MSX1: variants seen among roughly 807,000 people sequenced by gnomAD.
MSX1 encodes the protein homeobox protein MSX-1.
In MSX1, 11 loss-of-function variants were observed where a neutral mutation model predicts 17.0. The ratio of observed to expected loss-of-function variants is 0.65; its 90% CI spans 0.41 to 1.07. The LOEUF is 1.07. Among genes scored for constraint, MSX1 ranks in the 50% least tolerant of loss-of-function variants. MSX1 has a pLI of 0.00. For synonymous variants in MSX1, 253 were observed against 211.8 expected (o/e 1.19, Z -1.69); for missense variants, 477 against 440.1 (o/e 1.08, Z -0.75).
intron 1 of MSX1, among the ~76,000 whole-genome samples, chr4:4,861,012 T>C (rs1333812692): frequency 6.6e-6 from 1 of 152,218 alleles, no homozygotes; most frequent in Non-Finnish European, 1.5e-5. Flanking sequence ...GACTGAGCCA[T>C]TAAAGTGGAC....
At position 4,860,167 on chromosome 4, in the gene MSX1, G is replaced by A. The variant is rs1030007862; in HGVS notation, c.268G>A (p.Gly90Ser). The A allele has an allele frequency of 9.3e-6, 14 of 1,507,296 alleles. No homozygotes were observed. The African/African-American group carries it at 1.9e-4, about 20-fold the overall frequency. 93.4% of individuals were successfully genotyped at this position (1,507,296 alleles called of 1,614,324 possible). The change falls in exon 1 of 2, where the codon GGT becomes AGT. Residue 90 changes from glycine (G) to serine (S), a missense_variant. Coordinates refer to ENST00000382723, the MANE Select transcript of MSX1 (RefSeq NM_002448.3). The stretch of plus-strand genomic sequence containing the variant: ...GCCCTCCGAGGGCGTGCAGGCGGCG[G>A]GTGGCTCGGCGCAGCCACTGGGCGT... Reference protein sequence around the residue: ...LAPSEGVQAAGGSAQPLGVPP... With the variant: ...LAPSEGVQAASGSAQPLGVPP...
intron 1 of MSX1, 55 bp downstream of exon 1, chr4:4,860,423 G>A: frequency 1.4e-6 from 2 of 1,405,424 alleles, no homozygotes; most frequent in Admixed American, 2.0e-5. Flanking sequence ...GGCCGGGTGG[G>A]GTGTGGGACC....
At position 4,863,252 on chromosome 4, in the gene MSX1, C is replaced by G; in HGVS notation, c.*109C>G. 8.8e-7 allele frequency: 1 copy of G among 1,136,122 alleles called. No individual in the cohort carries two copies. The highest frequency in any genetic ancestry group is 1.3e-6 in the Non-Finnish European group (1 of 793,290). 70.4% of individuals were successfully genotyped at this position (1,136,122 alleles called of 1,614,324 possible). On this transcript the variant is annotated 3_prime_UTR_variant, in exon 2 of 2. Coordinates refer to ENST00000382723, the MANE Select transcript of MSX1 (RefSeq NM_002448.3). ...CGCCAGCCGCCTTCCCTTTAACCCT[C>G]ACACTGCTCCAGTTTCACCTCTTTG... is the stretch of plus-strand genomic sequence containing the variant.
chr4:4,862,922 C>A lies in MSX1; in HGVS notation c.691C>A (p.Gln231Lys). 1 of 1,613,516 alleles carries A rather than the reference C, an allele frequency of 6.2e-7. No individual in the cohort carries two copies. Among genetic ancestry groups the A allele is most frequent in the Non-Finnish European group, 8.5e-7 (1 of 1,180,004 alleles). ...QNRRAKAKRL[Q>K]EAELEKLKMA... ...CCGCCGCGCCAAGGCAAAGAGACTA[C>A]AAGAGGCAGAGCTGGAGAAGCTGAA... is the stretch of plus-strand genomic sequence containing the variant. The change falls in exon 2 of 2, where the codon CAA (glutamine) becomes AAA (lysine). Residue 231 changes from glutamine (Q) to lysine (K), a missense_variant. Gln to Lys is a moderately conservative substitution (Grantham distance 53). Transcript: ENST00000382723.
intron 1 of MSX1, 31 bp from the exon 2 acceptor site, chr4:4,862,670 C>A: frequency 1.2e-6 from 2 of 1,600,068 alleles, no homozygotes; most frequent in Non-Finnish European, 1.7e-6. Flanking sequence ...TCTCTCTTAA[C>A]CCCTTGCTTT....
rs1235225331 is a variant in MSX1, at chr4:4,862,810, G to C, written c.579G>C (p.Gln193His). The C allele has an allele frequency of 6.2e-7, 1 of 1,613,730 alleles. No homozygotes were observed. The highest frequency in any genetic ancestry group is 1.1e-5 in the South Asian group (1 of 91,086). ...TGGCGCTGGAGCGCAAGTTCCGCCA[G>C]AAGCAGTACCTGTCCATCGCCGAGC... ...QLLALERKFR[Q>H]KQYLSIAERA... is the part of the protein sequence containing the mutation. The change falls in exon 2 of 2, where the codon CAG (glutamine) becomes CAC (histidine). Residue 193 changes from glutamine to histidine, a missense_variant. Physicochemically the swap from Gln to His is conservative, Grantham distance 24. Around this residue, in one of 3 missense-constraint regions of MSX1, gnomAD observed 355 missense variants for 306.1 expected, o/e 1.16. Coordinates refer to ENST00000382723, the MANE Select transcript of MSX1 (RefSeq NM_002448.3).
chr4:4,862,789 G>A lies in MSX1; in HGVS notation c.558G>A (p.Ala186=). 3 of 1,613,536 alleles carry A rather than the reference G, an allele frequency of 1.9e-6. No homozygotes were observed. The highest frequency in any genetic ancestry group is 2.5e-6 in the Non-Finnish European group (3 of 1,179,990). Residue 186 remains alanine (A), a synonymous_variant, in exon 2 of 2, where the codon GCG becomes GCA. Coordinates refer to ENST00000382723, the MANE Select transcript of MSX1 (RefSeq NM_002448.3). ...RTPFTTAQLL[A]LERKFRQKQY... ...CCTTCACCACCGCGCAGCTGCTGGC[G>A]CTGGAGCGCAAGTTCCGCCAGAAGC...
intron 1 of MSX1, among the ~76,000 whole-genome samples, chr4:4,861,689 A>G (rs1260071400): frequency 6.6e-6 from 1 of 152,154 alleles, no homozygotes; most frequent in Non-Finnish European, 1.5e-5. Flanking sequence ...TGTTGGGATA[A>G]TTTGTTCCAC....
Position 4,859,774 on chromosome 4 carries a change from C to T in MSX1, c.-126C>T. 1.4e-6 allele frequency: 1 copy of T among 691,068 alleles called. No individual in the cohort carries two copies. Among genetic ancestry groups the T allele is most frequent in the Non-Finnish European group, 1.9e-6 (1 of 520,512 alleles). 42.8% of individuals were successfully genotyped at this position (691,068 alleles called of 1,614,324 possible). A position where few individuals can be genotyped will look rare whatever the true frequency, so the allele number is the denominator to read the frequency against. ...GCCTGCTGGGGAGGGGCGGGAGGCG[C>T]GCGCGGGAGGGTCCGCCCGGCCAGG... On this transcript the variant is annotated 5_prime_UTR_variant, in exon 1 of 2. Transcript: ENST00000382723.
rs8670 is a variant in MSX1 at position 4,863,149 on chromosome 4, C to T, written c.*6C>T. 0.22 allele frequency: 354,445 copies of T among 1,590,300 alleles called. 41,187 individuals carry two copies. The highest frequency in any genetic ancestry group is 0.28 in the Middle Eastern group (1,412 of 5,120). On this transcript the variant is annotated 3_prime_UTR_variant, in exon 2 of 2. Transcript: ENST00000382723. Reference sequence around the variant, plus strand: ...GCATGTACCACCTGACATAGAGGGTCCCAGGTCGCCCACCTGTGGGCCAGC... The same window carrying T: ...GCATGTACCACCTGACATAGAGGGTTCCAGGTCGCCCACCTGTGGGCCAGC...
In MSX1 at chr4:4,863,220, T is replaced by TGG; in HGVS notation, c.*77_*78insGG. 1 of 1,443,298 alleles carries TGG rather than the reference T, an allele frequency of 6.9e-7. No individual in the cohort carries two copies. Among genetic ancestry groups the TGG allele is most frequent in the Non-Finnish European group, 9.4e-7 (1 of 1,064,652 alleles). 89.4% of individuals were successfully genotyped at this position (1,443,298 alleles called of 1,614,324 possible). A position where few individuals can be genotyped will look rare whatever the true frequency, so the allele number is the denominator to read the frequency against. On this transcript the variant is annotated 3_prime_UTR_variant, in exon 2 of 2. Coordinates refer to ENST00000382723, the MANE Select transcript of MSX1 (RefSeq NM_002448.3). ...CTGTACCCCCGACGTGCTCCCCTGC[T>TGG]CGGCACCGCCAGCCGCCTTCCCTTT... is the stretch of plus-strand genomic sequence containing the variant.
At chr4:4,862,628 A>C in intron 1 of MSX1, 73 bp from the exon 2 acceptor site, 1 of 1,546,218 alleles carries the variant, frequency 6.5e-7, no homozygotes, top group Non-Finnish European at 8.8e-7. Flanking sequence ...GGCTATTATT[A>C]CTACTTCTTG....
intron 1 of MSX1, among the ~76,000 whole-genome samples, chr4:4,860,739 C>A (rs1259322748): frequency 1.3e-5 from 2 of 152,236 alleles, no homozygotes; most frequent in Non-Finnish European, 2.9e-5. Context: ...CTTCCCTGCA[C>A]CCGGAGTTTC....
Position 4,863,018 on chromosome 4 carries a change from G to C in MSX1, c.787G>C (p.Val263Leu), listed in dbSNP as rs747563297. Residue 263 changes from valine (V) to leucine (L), a missense_variant, in exon 2 of 2, where the codon GTA becomes CTA. Val to Leu is a conservative substitution (Grantham distance 32). Coordinates refer to ENST00000382723, the MANE Select transcript of MSX1 (RefSeq NM_002448.3). ...CTTCCCTCTCGGCGGCCCCGCAGCT[G>C]TAGCGGCCGCGGCGGGTGCCTCGCT... ...LSFPLGGPAA[V>L]AAAAGASLYG... 2.5e-6 allele frequency: 4 copies of C among 1,611,254 alleles called. No individual in the cohort carries two copies. Among genetic ancestry groups the C allele is most frequent in the South Asian group, 1.1e-5 (1 of 91,000 alleles).
At chr4:4,860,434 C>T (rs1328823304) in intron 1 of MSX1, 66 bp downstream of exon 1, 3 of 1,535,616 alleles carry the variant, frequency 2.0e-6, no homozygotes, top group African/African-American at 2.7e-5. Context: ...GTGTGGGACC[C>T]GAGGGCTCCT....
rs1737862450 is a variant in MSX1 at position 4,859,795 on chromosome 4, C to A, written c.-105C>A. On this transcript the variant is annotated 5_prime_UTR_variant, in exon 1 of 2. Coordinates refer to ENST00000382723, the MANE Select transcript of MSX1 (RefSeq NM_002448.3). Reference sequence around the variant, plus strand: ...GGCGCGCGCGGGAGGGTCCGCCCGGCCAGGGCCCCGGGCGCTCGCAGAGGC... The same window carrying A: ...GGCGCGCGCGGGAGGGTCCGCCCGGACAGGGCCCCGGGCGCTCGCAGAGGC... 2 of 1,003,462 alleles carry A rather than the reference C, an allele frequency of 2.0e-6. No homozygotes were observed. Among genetic ancestry groups the A allele is most frequent in the Non-Finnish European group, 2.5e-6 (2 of 785,298 alleles). The allele number at this position is 1,003,462 out of a possible 1,614,324, so 62.2% of individuals were successfully genotyped here. A position where few individuals can be genotyped will look rare whatever the true frequency, so the allele number is the denominator to read the frequency against.
rs538500810 is a variant in MSX1, at chr4:4,863,334, C to T, written c.*191C>T. 834 of 398,022 alleles carry T rather than the reference C, an allele frequency of 2.1e-3. 2 individuals carry two copies. The highest frequency in any genetic ancestry group is 6.7e-3 in the South Asian group (122 of 18,250). 24.7% of individuals were successfully genotyped at this position (398,022 alleles called of 1,614,324 possible). A position where few individuals can be genotyped will look rare whatever the true frequency, so the allele number is the denominator to read the frequency against. ...CTGCCAAAAAGTGGCTGGAAGAGTC[C>T]CTTAGTACTCTTCTAGCATTTAGAT... On this transcript the variant is annotated 3_prime_UTR_variant, in exon 2 of 2. Transcript: ENST00000382723.
chr4:4,863,227 C>G lies in MSX1; in HGVS notation c.*84C>G, dbSNP rs962531436. The G allele has an allele frequency of 7.3e-7, 1 of 1,365,912 alleles. No individual in the cohort carries two copies. The highest frequency in any genetic ancestry group is 2.0e-5 in the Admixed American group (1 of 49,978). 84.6% of individuals were successfully genotyped at this position (1,365,912 alleles called of 1,614,324 possible). A position where few individuals can be genotyped will look rare whatever the true frequency, so the allele number is the denominator to read the frequency against. On this transcript the variant is annotated 3_prime_UTR_variant, in exon 2 of 2. Transcript: ENST00000382723. ...CCCGACGTGCTCCCCTGCTCGGCACCGCCAGCCGCCTTCCCTTTAACCCTC... is the reference window on the plus strand; with the variant it reads ...CCCGACGTGCTCCCCTGCTCGGCACGGCCAGCCGCCTTCCCTTTAACCCTC...
At chr4:4,862,453 C>CG (rs776426843) in intron 1 of MSX1, 1 of 687,218 alleles carries the variant, frequency 1.5e-6, no homozygotes, top group South Asian at 1.5e-5. Context: ...GAGCCTTCAA[C>CG]GTGGGTATTT....
Sources: gnomAD v4.1 joint callset for allele counts (sites outside exome capture counted in the v4.1 genomes callset) on GRCh38, gnomAD v4.1.1 for gene constraint, gnomAD v4.1.1 regional missense constraint, MANE v1.5 for transcripts, NCBI Gene and HGNC (gene_info 2026-07-23, HGNC 2026-07-21) for gene names.